SLC2A1: variants seen among roughly 807,000 people sequenced by gnomAD.
The protein encoded by SLC2A1 is solute carrier family 2, facilitated glucose transporter member 1.
SLC2A1 carries 4 observed loss-of-function variants against 46.6 expected under a neutral mutation model. The ratio of observed to expected loss-of-function variants is 0.09; its 90% CI spans 0.04 to 0.20. The LOEUF (loss-of-function observed/expected upper bound fraction) is 0.20. SLC2A1 is among the 10% of genes least tolerant of loss of function. SLC2A1 has a pLI of 1.00. For synonymous variants in SLC2A1, 253 were observed against 270.0 expected (o/e 0.94, Z 0.62); for missense variants, 352 against 667.0 (o/e 0.53, Z 5.20).
In SLC2A1 at chr1:42,954,701, CT is replaced by C. The variant is rs1225623480; in HGVS notation, c.18+3932del. Among the ~76,000 whole-genome samples the C allele has an allele frequency of 7.2e-5, 11 of 152,144 alleles. No homozygotes were observed. Among genetic ancestry groups the C allele is most frequent in the Non-Finnish European group, 1.6e-4 (11 of 67,996 alleles). On this transcript the variant is annotated intron_variant, in intron 1 of 9. Transcript: ENST00000426263. The surrounding 1 kb of genome is among the most constrained non-coding windows in gnomAD (Gnocchi z 4.2). Reference sequence around the variant, plus strand: ...GTTCCTTCCACCCTCTAATGTCATCCTGGAAAGGCTGGCAGCATGTCTTGGG... The same window carrying C: ...GTTCCTTCCACCCTCTAATGTCATCCGGAAAGGCTGGCAGCATGTCTTGGG...
Position 42,929,583 on chromosome 1 carries a change from G to A in SLC2A1, c.867+10C>T. 1 of 1,608,364 alleles carries A rather than the reference G, an allele frequency of 6.2e-7. No homozygotes were observed. Among genetic ancestry groups the A allele is most frequent in the Non-Finnish European group, 8.5e-7 (1 of 1,175,728 alleles). ...GCTGGGGCACAGGAAGGGTGGGTGG[G>A]GGCACTCACAGCGTTGATGCCAGAC... On this transcript the variant is annotated intron_variant, in intron 6 of 9. Transcript: ENST00000426263. This position sits in a 1 kb window ranked among gnomAD's most constrained non-coding sequence, Gnocchi z 6.0.
intron 1 of SLC2A1, among the ~76,000 whole-genome samples, chr1:42,948,997 G>A (rs1643691649): frequency 6.6e-6 from 1 of 151,606 alleles, no homozygotes; most frequent in Non-Finnish European, 1.5e-5. Flanking sequence ...GAACCCAGGA[G>A]GCAGAGCTTG....
intron 1 of SLC2A1, chr1:42,952,369 C>A: frequency 6.3e-6 from 3 of 477,304 alleles, no homozygotes; most frequent in South Asian, 4.6e-5. Context: ...CTCAGCCTAG[C>A]GCTTGGCTGG....
Position 42,925,723 on chromosome 1 carries a change from T to G in SLC2A1, c.*1318A>C, listed in dbSNP as rs1232098908. On this transcript the variant is annotated 3_prime_UTR_variant, in exon 10 of 10. Coordinates refer to ENST00000426263, the MANE Select transcript of SLC2A1 (RefSeq NM_006516.4). Reference sequence around the variant, plus strand: ...TGTGTGTGGGGAGGGGTGCAGGAGGTGGGTGGAGTTAATGGAGTAGTGGTT... The same window carrying G: ...TGTGTGTGGGGAGGGGTGCAGGAGGGGGGTGGAGTTAATGGAGTAGTGGTT... The G allele has an allele frequency of 6.6e-6, 1 of 151,704 alleles. No homozygotes were observed. The highest frequency in any genetic ancestry group is 1.5e-5 in the Non-Finnish European group (1 of 67,964). The allele number at this position is 151,704 out of a possible 1,614,324, so 9.4% of individuals were successfully genotyped here.
intron 1 of SLC2A1, among the ~76,000 whole-genome samples, chr1:42,956,362 G>T (rs576467576): frequency 7.4e-6 from 1 of 135,422 alleles, no homozygotes; most frequent in East Asian, 2.2e-4. Context: ...GGGAGTTCGA[G>T]ACCAGCCTGA....
chr1:42,957,682 G>C (rs1643790502), intron 1 of SLC2A1, among the ~76,000 whole-genome samples: 1 of 152,152 alleles, frequency 6.6e-6, no homozygotes, highest in African/African-American at 2.4e-5. Flanking sequence ...AAAAGAAATC[G>C]CTCTGCGGAC....
At chr1:42,944,037 T>C (rs115053568) in intron 1 of SLC2A1, among the ~76,000 whole-genome samples, 269 of 152,282 alleles carry the variant, frequency 1.8e-3, no homozygotes, top group African/African-American at 6.3e-3. Flanking sequence ...CCTTACCCAG[T>C]GCTCCTCACG....
At chr1:42,946,889 CCTT>C (rs1643662093) in intron 1 of SLC2A1, among the ~76,000 whole-genome samples, 1 of 152,216 alleles carries the variant, frequency 6.6e-6, no homozygotes, top group Non-Finnish European at 1.5e-5. Flanking sequence ...CAAGCTGCCT[CCTT>C]TCACCTTGGA....
chr1:42,940,476 T>C (rs1165402975), intron 2 of SLC2A1, among the ~76,000 whole-genome samples: 1 of 152,244 alleles, frequency 6.6e-6, no homozygotes, highest in Non-Finnish European at 1.5e-5. Flanking sequence ...GGCCCTTCGA[T>C]GGCTTACATT....
Position 42,925,361 on chromosome 1 carries a change from G to A in SLC2A1, c.*1680C>T, listed in dbSNP as rs184901068. On this transcript the variant is annotated 3_prime_UTR_variant, in exon 10 of 10. Transcript: ENST00000426263. ...AGCAAACTTCTCCCAGATTTTGTCAGCTGAGCCTCTAGAGACAAATATCTT... is the reference window on the plus strand; with the variant it reads ...AGCAAACTTCTCCCAGATTTTGTCAACTGAGCCTCTAGAGACAAATATCTT... 1 of 152,332 alleles carries A rather than the reference G, an allele frequency of 6.6e-6. No individual in the cohort carries two copies. The highest frequency in any genetic ancestry group is 6.5e-5 in the Admixed American group (1 of 15,310). The allele number at this position is 152,332 out of a possible 1,614,324, so 9.4% of individuals were successfully genotyped here. A position where few individuals can be genotyped will look rare whatever the true frequency, so the allele number is the denominator to read the frequency against.
chr1:42,932,444 C>T (rs994665623), intron 2 of SLC2A1, among the ~76,000 whole-genome samples: 5 of 148,764 alleles, frequency 3.4e-5, no homozygotes, highest in African/African-American at 1.2e-4. Flanking sequence ...TATACCATCA[C>T]ACACACATAC....
At chr1:42,934,118 T>A (rs1167907902) in intron 2 of SLC2A1, among the ~76,000 whole-genome samples, 2 of 152,158 alleles carry the variant, frequency 1.3e-5, no homozygotes, top group African/African-American at 2.4e-5. Flanking sequence ...AGCTTGAAGA[T>A]CTCTTGAGAT....
Position 42,925,819 on chromosome 1 carries a change from G to C in SLC2A1, c.*1222C>G, listed in dbSNP as rs937708372. 2 of 152,102 alleles carry C rather than the reference G, an allele frequency of 1.3e-5. No homozygotes were observed. The highest frequency in any genetic ancestry group is 2.9e-5 in the Non-Finnish European group (2 of 68,032). The allele number at this position is 152,102 out of a possible 1,614,324, so 9.4% of individuals were successfully genotyped here. Reference sequence around the variant, plus strand: ...GCGACTTCAGGCACATAACCTCTTTGAGCCTGTCCAATAAAGGTACAGTAT... The same window carrying C: ...GCGACTTCAGGCACATAACCTCTTTCAGCCTGTCCAATAAAGGTACAGTAT... On this transcript the variant is annotated 3_prime_UTR_variant, in exon 10 of 10. Transcript: ENST00000426263.
intron 1 of SLC2A1, among the ~76,000 whole-genome samples, chr1:42,950,286 T>C (rs1241615982): frequency 6.6e-6 from 1 of 152,058 alleles, no homozygotes; most frequent in East Asian, 1.9e-4. Context: ...GAGAACTACA[T>C]GTCCAACAAA....
Position 42,925,971 on chromosome 1 carries a change from A to G in SLC2A1, c.*1070T>C, listed in dbSNP as rs527328071. ...CCTTGAATGTCAAGATAAAGAATGT[A>G]TATATTCTCTGGGTAACAGGGATCA... On this transcript the variant is annotated 3_prime_UTR_variant, in exon 10 of 10. Transcript: ENST00000426263. The G allele has an allele frequency of 2.6e-5, 4 of 152,394 alleles. No individual in the cohort carries two copies. In the East Asian group the frequency reaches 5.8e-4, roughly 22 times the overall value. 9.4% of individuals were successfully genotyped at this position (152,394 alleles called of 1,614,324 possible). A position where few individuals can be genotyped will look rare whatever the true frequency, so the allele number is the denominator to read the frequency against.
In SLC2A1 at chr1:42,929,574, G is replaced by C. The variant is rs747928443; in HGVS notation, c.867+19C>G. ...GAGGGCTTGGCTGGGGCACAGGAAG[G>C]GTGGGTGGGGGCACTCACAGCGTTG... On this transcript the variant is annotated intron_variant, in intron 6 of 9. Coordinates refer to ENST00000426263, the MANE Select transcript of SLC2A1 (RefSeq NM_006516.4). The surrounding 1 kb of genome is among the most constrained non-coding windows in gnomAD (Gnocchi z 6.0). 1.2e-6 allele frequency: 2 copies of C among 1,604,726 alleles called. No homozygotes were observed. Among genetic ancestry groups the C allele is most frequent in the Non-Finnish European group, 8.5e-7 (1 of 1,173,124 alleles).
chr1:42,927,731 G>A lies in SLC2A1; in HGVS notation c.1152C>T (p.Gly384=), dbSNP rs750237005. The A allele has an allele frequency of 6.2e-6, 10 of 1,614,146 alleles. No individual in the cohort carries two copies. The East Asian group carries it at 2.2e-4, about 36-fold the overall frequency. ...GFVAFFEVGP[G]PIPWFIVAEL... is the part of the protein sequence containing the mutation. Reference sequence around the variant, plus strand: ...CAGCCACGATGAACCATGGGATGGGGCCAGGACCCACTTCAAAGAAGGCCA... The same window carrying A: ...CAGCCACGATGAACCATGGGATGGGACCAGGACCCACTTCAAAGAAGGCCA... Residue 384 remains glycine (G), a synonymous_variant, in exon 9 of 10, where the codon GGC becomes GGT. Coordinates refer to ENST00000426263, the MANE Select transcript of SLC2A1 (RefSeq NM_006516.4). The surrounding 1 kb of genome is among the most constrained non-coding windows in gnomAD (Gnocchi z 5.3).
In SLC2A1 at chr1:42,930,273, G is replaced by A; in HGVS notation, c.517-238C>T. 1 of 630,406 alleles carries A rather than the reference G, an allele frequency of 1.6e-6. No homozygotes were observed. Among genetic ancestry groups the A allele is most frequent in the South Asian group, 1.9e-5 (1 of 52,754 alleles). The allele number at this position is 630,406 out of a possible 1,614,324, so 39.1% of individuals were successfully genotyped here. A position where few individuals can be genotyped will look rare whatever the true frequency, so the allele number is the denominator to read the frequency against. ...AATGACAAGGCCACAGATGTGTCCAGCACAGAGAATGGGGGCTGCTACTCT... is the reference window on the plus strand; with the variant it reads ...AATGACAAGGCCACAGATGTGTCCAACACAGAGAATGGGGGCTGCTACTCT... On this transcript the variant is annotated intron_variant, in intron 4 of 9. Coordinates refer to ENST00000426263, the MANE Select transcript of SLC2A1 (RefSeq NM_006516.4). This position sits in a 1 kb window ranked among gnomAD's most constrained non-coding sequence, Gnocchi z 6.2.
rs1643472516 is a variant in SLC2A1, at chr1:42,930,058, G to A, written c.517-23C>T. 1.2e-6 allele frequency: 2 copies of A among 1,612,848 alleles called. No homozygotes were observed. Among genetic ancestry groups the A allele is most frequent in the Non-Finnish European group, 1.7e-6 (2 of 1,179,846 alleles). ...CACCTGGGGGAAGCAGGGGCCGTGA[G>A]CGCCTCTGCCCTGACCCCCTTTCCC... On this transcript the variant is annotated intron_variant, in intron 4 of 9. Coordinates refer to ENST00000426263, the MANE Select transcript of SLC2A1 (RefSeq NM_006516.4). This position sits in a 1 kb window ranked among gnomAD's most constrained non-coding sequence, Gnocchi z 6.2.
Sources: allele counts gnomAD v4.1 joint callset (sites outside exome capture counted in the v4.1 genomes callset), GRCh38; gene constraint gnomAD v4.1.1; non-coding constraint Gnocchi (gnomAD v3.1); transcripts MANE v1.5; gene names NCBI Gene and HGNC (gene_info 2026-07-23, HGNC 2026-07-21).